MEIS2: variants seen among roughly 807,000 people sequenced by gnomAD.
MEIS2 encodes homeobox protein Meis2.
Under a neutral mutation model 58.6 loss-of-function variants are expected in MEIS2, and 9 were observed. That is an observed-to-expected ratio of 0.15 (90% CI 0.09 to 0.27). The LOEUF (loss-of-function observed/expected upper bound fraction) is 0.27, where lower values mean the gene tolerates loss of function less well. Among genes scored for constraint, MEIS2 ranks in the 10% least tolerant of loss-of-function variants. The pLI, the probability that MEIS2 is intolerant of heterozygous loss-of-function variation, is 1.00. For missense variants in MEIS2, 427 were observed against 635.0 expected, an observed-to-expected ratio of 0.67 and a Z score of 3.52; for synonymous variants, 221 against 228.4, an observed-to-expected ratio of 0.97 and a Z score of 0.29.
Position 37,059,016 on chromosome 15 carries a change from A to G in MEIS2, c.755-22057T>C, listed in dbSNP as rs915111276. Among the ~76,000 whole-genome samples, 6 of 152,240 alleles carry G rather than the reference A, an allele frequency of 3.9e-5. No individual in the cohort carries two copies. The East Asian group carries it at 1.2e-3, about 29-fold the overall frequency. ...ATTAAGATAACTTTTTGATTAATGCATATATTCACTTGTATTTAAATGACC... is the reference window on the plus strand; with the variant it reads ...ATTAAGATAACTTTTTGATTAATGCGTATATTCACTTGTATTTAAATGACC... On this transcript the variant is annotated intron_variant, in intron 7 of 11. Coordinates refer to ENST00000561208, the MANE Select transcript of MEIS2 (RefSeq NM_170675.5).
At chr15:37,086,141 C>T (rs1892851431) in intron 6 of MEIS2, among the ~76,000 whole-genome samples, 1 of 152,158 alleles carries the variant, frequency 6.6e-6, no homozygotes. Context: ...ATAAAAGCTC[C>T]TTACCCCTCA....
At position 37,098,810 on chromosome 15, in the gene MEIS2, A is replaced by G. The variant is rs72710661; in HGVS notation, c.13-611T>C. Reference sequence around the variant, plus strand: ...GAGAAGAAAAACGCTAATAATCAGCACGAGAACGCCGAGGACTAGGAAAGA... The same window carrying G: ...GAGAAGAAAAACGCTAATAATCAGCGCGAGAACGCCGAGGACTAGGAAAGA... On this transcript the variant is annotated intron_variant, in intron 1 of 11. Transcript: ENST00000561208. 5.2e-3 allele frequency: 3,334 copies of G among 642,650 alleles called. 6 individuals carry two copies. The highest frequency in any genetic ancestry group is 6.0e-3 in the Non-Finnish European group (3,119 of 516,506). The allele number at this position is 642,650 out of a possible 1,614,324, so 39.8% of individuals were successfully genotyped here. A position where few individuals can be genotyped will look rare whatever the true frequency, so the allele number is the denominator to read the frequency against.
At chr15:37,013,638 A>G (rs62045806) in intron 8 of MEIS2, among the ~76,000 whole-genome samples, 492 of 149,158 alleles carry the variant, frequency 3.3e-3, no homozygotes, top group Non-Finnish European at 5.2e-3. Context: ...ATACATATAT[A>G]TATTCTAGGA....
At chr15:36,944,248 A>T (rs2058476874) in intron 9 of MEIS2, among the ~76,000 whole-genome samples, 1 of 152,086 alleles carries the variant, frequency 6.6e-6, no homozygotes, top group South Asian at 2.1e-4. Flanking sequence ...CTGGTTAAAC[A>T]TTAATAATGT....
At chr15:37,029,881 T>C (rs543048612) in intron 8 of MEIS2, among the ~76,000 whole-genome samples, 191 of 152,244 alleles carry the variant, frequency 1.3e-3, no homozygotes, top group African/African-American at 4.5e-3. Flanking sequence ...ACCATTACCA[T>C]GGCCAAGTGC....
At chr15:37,049,282 G>C (rs1325470571) in intron 7 of MEIS2, among the ~76,000 whole-genome samples, 2 of 152,120 alleles carry the variant, frequency 1.3e-5, no homozygotes, top group Non-Finnish European at 2.9e-5. Flanking sequence ...GCCCTATAAA[G>C]TACATGGAAA....
intron 9 of MEIS2, among the ~76,000 whole-genome samples, chr15:36,907,051 C>T (rs79089784): frequency 0.03 from 4,507 of 151,984 alleles, 237 homozygotes; most frequent in African/African-American, 0.1. Context: ...CCTTACTTAA[C>T]GAAAGTAAGT....
intron 8 of MEIS2, among the ~76,000 whole-genome samples, chr15:36,963,509 G>T (rs949865715): frequency 1.3e-5 from 2 of 152,148 alleles, no homozygotes; most frequent in Non-Finnish European, 2.9e-5. Flanking sequence ...GTCAGTTCAG[G>T]TATTTGTAGG....
At chr15:37,066,954 T>G (rs1028041034) in intron 7 of MEIS2, among the ~76,000 whole-genome samples, 2 of 147,732 alleles carry the variant, frequency 1.4e-5, no homozygotes, top group South Asian at 2.1e-4. Flanking sequence ...AACTTTTTTG[T>G]TTTTTTTGTA....
chr15:37,098,419 AG>A, intron 1 of MEIS2: 7 of 1,197,178 alleles, frequency 5.8e-6, no homozygotes, highest in African/African-American at 1.6e-5. Context: ...AGAGAGAGAG[AG>A]AGAGAAAATA....
chr15:37,001,081 C>CTTTTGCATTAACATTTA (rs1050917239), intron 8 of MEIS2, among the ~76,000 whole-genome samples: 13 of 152,186 alleles, frequency 8.5e-5, no homozygotes, highest in African/African-American at 3.1e-4. Context: ...TTATGCATTT[C>CTTTTGCATTAACATTTA]TTTTGCATTA....
rs574527198 is a variant in MEIS2, at chr15:37,065,207, G to T, written c.754+18564C>A. 1.1e-4 allele frequency among the ~76,000 whole-genome samples: 17 copies of T among 152,268 alleles called. 1 individual carries two copies. The South Asian group carries it at 3.5e-3, about 32-fold the overall frequency. On this transcript the variant is annotated intron_variant, in intron 7 of 11. Coordinates refer to ENST00000561208, the MANE Select transcript of MEIS2 (RefSeq NM_170675.5). ...GTTTAAGCACTTTATATAGTGAACT[G>T]CTGGCAATGAAATGTAAGGTCACAA...
intron 8 of MEIS2, among the ~76,000 whole-genome samples, chr15:36,976,173 C>T (rs1335214476): frequency 6.6e-6 from 1 of 152,044 alleles, no homozygotes; most frequent in East Asian, 1.9e-4. Flanking sequence ...CAACCTCCGC[C>T]TCTCGGGTTC....
chr15:36,981,999 T>C (rs1943935445), intron 8 of MEIS2, among the ~76,000 whole-genome samples: 1 of 152,132 alleles, frequency 6.6e-6, no homozygotes, highest in Non-Finnish European at 1.5e-5. Context: ...AGTTACACCA[T>C]GGGCTCCCCT....
At chr15:37,012,854 A>G (rs191438493) in intron 8 of MEIS2, among the ~76,000 whole-genome samples, 15 of 152,274 alleles carry the variant, frequency 9.9e-5, no homozygotes, top group African/African-American at 2.9e-4. Flanking sequence ...TATTTTTTCA[A>G]TGTGGCTTTT....
intron 8 of MEIS2, among the ~76,000 whole-genome samples, chr15:36,985,669 T>C (rs2060071082): frequency 6.6e-6 from 1 of 152,210 alleles, no homozygotes; most frequent in Admixed American, 6.5e-5. Flanking sequence ...CCTGCACCAC[T>C]GTTAACATCC....
Position 37,098,420 on chromosome 15 carries a change from GAGA to G in MEIS2, c.13-224_13-222del, listed in dbSNP as rs1894645726. Reference sequence around the variant, plus strand: ...AGAGAGAGAGAGAGAGAGAGAGAGAGAGAGAAAATAAAAATAAAAACAAAGTCA... The same window carrying G: ...AGAGAGAGAGAGAGAGAGAGAGAGAGGAAAATAAAAATAAAAACAAAGTCA... On this transcript the variant is annotated intron_variant, in intron 1 of 11. Coordinates refer to ENST00000561208, the MANE Select transcript of MEIS2 (RefSeq NM_170675.5). The G allele has an allele frequency of 1.4e-5, 16 of 1,115,736 alleles. No homozygotes were observed. The African/African-American group carries it at 2.5e-4, about 17-fold the overall frequency. The allele number at this position is 1,115,736 out of a possible 1,614,324, so 69.1% of individuals were successfully genotyped here. A position where few individuals can be genotyped will look rare whatever the true frequency, so the allele number is the denominator to read the frequency against.
chr15:36,938,448 A>G (rs1434756115), intron 9 of MEIS2, among the ~76,000 whole-genome samples: 1 of 152,242 alleles, frequency 6.6e-6, no homozygotes, highest in Non-Finnish European at 1.5e-5. Context: ...CCCAGGGGCC[A>G]GAGCCCAGAG....
At chr15:36,971,110 G>C (rs1270032383) in intron 8 of MEIS2, among the ~76,000 whole-genome samples, 1 of 151,470 alleles carries the variant, frequency 6.6e-6, no homozygotes, top group African/African-American at 2.4e-5. Flanking sequence ...GCTTGGGGGG[G>C]TGGGGGATGT....
Sources: gnomAD v4.1 joint callset for allele counts (sites outside exome capture counted in the v4.1 genomes callset) on GRCh38, gnomAD v4.1.1 for gene constraint, MANE v1.5 for transcripts, NCBI Gene and HGNC (gene_info 2026-07-23, HGNC 2026-07-21) for gene names.